Variants in PLAC8 observed in about 807,000 individuals in gnomAD.
PLAC8 encodes placenta-specific gene 8 protein.
Under a neutral mutation model 12.6 loss-of-function variants are expected in PLAC8, and 6 were observed. That is an observed-to-expected ratio of 0.48 (90% CI 0.26 to 0.94). The LOEUF (loss-of-function observed/expected upper bound fraction) is 0.94. PLAC8 is among the 40% of genes least tolerant of loss of function. The pLI is 0.14. For missense variants in PLAC8, 122 were observed against 152.7 expected, an observed-to-expected ratio of 0.80 and a Z score of 1.06; for synonymous variants, 54 against 52.6, an observed-to-expected ratio of 1.03 and a Z score of -0.11.
intron 2 of PLAC8, among the ~76,000 whole-genome samples, chr4:83,106,208 C>T (rs2126142967): frequency 6.6e-6 from 1 of 151,652 alleles, no homozygotes; most frequent in South Asian, 2.1e-4. Flanking sequence ...ACCATCTTGG[C>T]CAGGCTGGTC....
chr4:83,103,478 A>G (rs948147783), intron 3 of PLAC8, among the ~76,000 whole-genome samples: 4 of 152,188 alleles, frequency 2.6e-5, no homozygotes, highest in Admixed American at 1.3e-4. Context: ...GGTTGAAATA[A>G]CAACAAAGGA....
intron 1 of PLAC8, among the ~76,000 whole-genome samples, chr4:83,113,665 A>C (rs1732472822): frequency 6.6e-6 from 1 of 151,970 alleles, no homozygotes; most frequent in Admixed American, 6.6e-5. Context: ...AGAGTGATTA[A>C]AAAAAAGTTG....
In PLAC8 at chr4:83,094,706, C is replaced by T. The variant is rs754469510; in HGVS notation, c.329G>A (p.Arg110Lys). 1.9e-6 allele frequency: 3 copies of T among 1,603,584 alleles called. No homozygotes were observed. The highest frequency in any genetic ancestry group is 2.6e-6 in the Non-Finnish European group (3 of 1,175,930). ...CQIKRDINRR[R>K]AMRTF ...CAGTTTTTAGAAAGTACGCATGGCT[C>T]TCCTTCTGTTGATATCTCTCTTGAT... Residue 110 changes from arginine (R) to lysine (K), a missense_variant, in exon 4 of 5, where the codon AGA becomes AAA. By Grantham distance (26) the Arg-to-Lys change is conservative (BLOSUM62 2). Coordinates refer to ENST00000311507, the MANE Select transcript of PLAC8 (RefSeq NM_016619.3).
chr4:83,092,881 C>T (rs1209933736), intron 4 of PLAC8: 1 of 120,798 alleles, frequency 8.3e-6, no homozygotes, highest in Admixed American at 1.0e-4. Flanking sequence ...ACTGCAGCTT[C>T]TACCTCCCAG....
intron 1 of PLAC8, among the ~76,000 whole-genome samples, chr4:83,113,747 G>A (rs926481919): frequency 1.3e-5 from 2 of 152,154 alleles, no homozygotes; most frequent in African/African-American, 2.4e-5. Flanking sequence ...TGGTGGGCAA[G>A]CTTTGGAGAA....
intron 1 of PLAC8, among the ~76,000 whole-genome samples, chr4:83,111,475 C>CAA (rs200508250): frequency 3.6e-5 from 5 of 139,330 alleles, no homozygotes; most frequent in African/African-American, 1.3e-4. Flanking sequence ...CTCTTATCTC[C>CAA]AAAAAAAAAA....
intron 4 of PLAC8, among the ~76,000 whole-genome samples, chr4:83,092,500 C>T (rs1352256772): frequency 6.6e-6 from 1 of 152,020 alleles, no homozygotes; most frequent in African/African-American, 2.4e-5. Flanking sequence ...CTCGGTCTCC[C>T]AAAGTGTTGG....
chr4:83,103,778 C>G (rs13140893), intron 3 of PLAC8, among the ~76,000 whole-genome samples: 61,216 of 151,984 alleles, frequency 0.4, 12,580 homozygotes, highest in Middle Eastern at 0.47. Flanking sequence ...AAGCAATTCT[C>G]CTGCCTCAGC....
chr4:83,095,740 A>T (rs1016626683), intron 3 of PLAC8, among the ~76,000 whole-genome samples: 1 of 152,222 alleles, frequency 6.6e-6, no homozygotes, highest in African/African-American at 2.4e-5. Context: ...AATTCCCAAG[A>T]CATCAGCTCT....
chr4:83,105,994 AT>A (rs1336089267), intron 2 of PLAC8, among the ~76,000 whole-genome samples: 2 of 151,560 alleles, frequency 1.3e-5, no homozygotes, highest in African/African-American at 4.8e-5. Context: ...TTCTTTTTTT[AT>A]TTTTATTTTA....
chr4:83,099,286 A>G (rs1578737698), intron 3 of PLAC8, among the ~76,000 whole-genome samples: 1 of 151,752 alleles, frequency 6.6e-6, no homozygotes, highest in African/African-American at 2.4e-5. Flanking sequence ...CTGGAGTACA[A>G]TGATGCAATC....
At chr4:83,105,966 A>G (rs1414910619) in intron 2 of PLAC8, among the ~76,000 whole-genome samples, 1 of 152,070 alleles carries the variant, frequency 6.6e-6, no homozygotes, top group African/African-American at 2.4e-5. Flanking sequence ...TTCCCTTGCT[A>G]TGCTACTGAG....
At chr4:83,106,109 T>C (rs1441096237) in intron 2 of PLAC8, among the ~76,000 whole-genome samples, 1 of 151,980 alleles carries the variant, frequency 6.6e-6, no homozygotes, top group Non-Finnish European at 1.5e-5. Flanking sequence ...AAGCAATTCT[T>C]CTGCCTCAGC....
Position 83,105,058 on chromosome 4 carries a change from C to G in PLAC8, c.119-38G>C, listed in dbSNP as rs1318970015. The G allele has an allele frequency of 3.7e-6, 6 of 1,612,486 alleles. No individual in the cohort carries two copies. In the Admixed American group the frequency reaches 5.0e-5, roughly 13 times the overall value. Reference sequence around the variant, plus strand: ...AACCAGGGGTACATATTACTCCACTCTGCCCCTGCCACAGCTGAAAGTTTA... The same window carrying G: ...AACCAGGGGTACATATTACTCCACTGTGCCCCTGCCACAGCTGAAAGTTTA... On this transcript the variant is annotated intron_variant, in intron 2 of 4. Coordinates refer to ENST00000311507, the MANE Select transcript of PLAC8 (RefSeq NM_016619.3).
At chr4:83,098,870 A>G (rs1010333643) in intron 3 of PLAC8, among the ~76,000 whole-genome samples, 1 of 152,126 alleles carries the variant, frequency 6.6e-6, no homozygotes, top group African/African-American at 2.4e-5. Flanking sequence ...ATTATAAATT[A>G]TGTCTCTTTC....
At chr4:83,110,008 T>C (rs1025814507) in intron 1 of PLAC8, among the ~76,000 whole-genome samples, 4 of 151,900 alleles carry the variant, frequency 2.6e-5, no homozygotes, top group African/African-American at 9.7e-5. Flanking sequence ...GGCGCGCCGC[T>C]GGGGACTCGG....
intron 1 of PLAC8, among the ~76,000 whole-genome samples, chr4:83,113,235 C>T: frequency 6.6e-6 from 1 of 152,150 alleles, no homozygotes; most frequent in East Asian, 1.9e-4. Flanking sequence ...GCTTGGTGAG[C>T]ACGTAGCTGC....
At chr4:83,104,623 T>C (rs1472733089) in intron 3 of PLAC8, among the ~76,000 whole-genome samples, 1 of 152,222 alleles carries the variant, frequency 6.6e-6, no homozygotes, top group Non-Finnish European at 1.5e-5. Context: ...ATGTAATGCA[T>C]CCACGCCACA....
intron 2 of PLAC8, among the ~76,000 whole-genome samples, chr4:83,106,488 C>T (rs1371159837): frequency 6.6e-6 from 1 of 151,706 alleles, no homozygotes; most frequent in East Asian, 2.0e-4. Context: ...TGTGGTTGTG[C>T]GTGCCTGTAA....
Sources: gnomAD v4.1 joint callset for allele counts (sites outside exome capture counted in the v4.1 genomes callset) on GRCh38, gnomAD v4.1.1 for gene constraint, MANE v1.5 for transcripts, NCBI Gene and HGNC (gene_info 2026-07-23, HGNC 2026-07-21) for gene names.